GNG4: variants seen among roughly 807,000 people sequenced by gnomAD.
GNG4 encodes the protein G protein subunit gamma 4.
In GNG4, 4 loss-of-function variants were observed where a neutral mutation model predicts 5.8. The ratio of observed to expected loss-of-function variants is 0.69; its 90% CI spans 0.34 to 1.57. GNG4 has a LOEUF of 1.57. Among genes scored for constraint, GNG4 ranks in the 40% most tolerant of loss-of-function variants. The pLI, the probability that GNG4 is intolerant of heterozygous loss-of-function variation, is 0.06. For synonymous variants in GNG4, 29 were observed against 32.9 expected (o/e 0.88, Z 0.41); for missense variants, 96 against 95.1 (o/e 1.01, Z -0.04).
intron 3 of GNG4, among the ~76,000 whole-genome samples, chr1:235,561,244 C>T (rs1416179384): frequency 3.3e-5 from 5 of 152,046 alleles, no homozygotes; most frequent in South Asian, 2.1e-4. Flanking sequence ...CTCCTGACCT[C>T]GTGATCCGCC....
intron 1 of GNG4, among the ~76,000 whole-genome samples, chr1:235,623,614 G>A (rs1019900651): frequency 4.6e-5 from 7 of 152,170 alleles, no homozygotes; most frequent in Admixed American, 4.6e-4. Flanking sequence ...TGCTGAGAAC[G>A]CTCTTCCTTT....
intron 1 of GNG4, among the ~76,000 whole-genome samples, chr1:235,612,595 T>C (rs994602748): frequency 3.3e-5 from 5 of 152,116 alleles, no homozygotes; most frequent in Non-Finnish European, 5.9e-5. Flanking sequence ...CGATCATGAC[T>C]CATTGCAGCC....
intron 1 of GNG4, among the ~76,000 whole-genome samples, chr1:235,641,731 T>C (rs1571928739): frequency 6.6e-6 from 1 of 152,042 alleles, no homozygotes; most frequent in Admixed American, 6.6e-5. Flanking sequence ...CCATCAACAC[T>C]TTCACCTGTT....
intron 1 of GNG4, among the ~76,000 whole-genome samples, chr1:235,596,209 T>TAC (rs59527448): frequency 0.1 from 13,906 of 133,442 alleles, 793 homozygotes; most frequent in East Asian, 0.22. Context: ...ACAAACAAAA[T>TAC]ACACACACAC....
chr1:235,583,481 T>C (rs1373409575), intron 3 of GNG4, among the ~76,000 whole-genome samples: 1 of 152,230 alleles, frequency 6.6e-6, no homozygotes, highest in Non-Finnish European at 1.5e-5. Context: ...CGGAGCTAAA[T>C]AGAGCCGAGA....
At chr1:235,594,023 G>T (rs2774324) in intron 2 of GNG4, among the ~76,000 whole-genome samples, 1 of 151,948 alleles carries the variant, frequency 6.6e-6, no homozygotes, top group South Asian at 2.1e-4. Flanking sequence ...ACAGAGAGCT[G>T]ATTGGTCTGT....
rs535099314 is a variant in GNG4, at chr1:235,583,239, C to A, written c.99+501G>T. 2.0e-5 allele frequency among the ~76,000 whole-genome samples: 3 copies of A among 152,298 alleles called. No individual in the cohort carries two copies. In the South Asian group the frequency reaches 6.2e-4, roughly 32 times the overall value. On this transcript the variant is annotated intron_variant, in intron 3 of 3. Transcript: ENST00000391854. ...CTTCATCTTGCTGCAGTCCTCCCAG[C>A]GTGGAGAGACCTGCACTCATCAGTG...
At chr1:235,582,151 G>A (rs540053901) in intron 3 of GNG4, among the ~76,000 whole-genome samples, 3 of 152,226 alleles carry the variant, frequency 2.0e-5, no homozygotes, top group Non-Finnish European at 2.9e-5. Context: ...CACTGTACCC[G>A]ATTTCTGCCC....
At chr1:235,597,853 C>T (rs554237633) in intron 1 of GNG4, among the ~76,000 whole-genome samples, 33 of 151,942 alleles carry the variant, frequency 2.2e-4, no homozygotes, top group African/African-American at 8.0e-4. Context: ...ATCTTGAACT[C>T]CTGACCTCAG....
intron 1 of GNG4, among the ~76,000 whole-genome samples, chr1:235,646,149 C>A (rs935074556): frequency 5.3e-5 from 8 of 152,170 alleles, no homozygotes; most frequent in African/African-American, 1.9e-4. Context: ...TGTGTCACAC[C>A]ACAGAAAGCC....
chr1:235,552,516 C>G (rs1686782443), intron 3 of GNG4, among the ~76,000 whole-genome samples: 1 of 152,162 alleles, frequency 6.6e-6, no homozygotes, highest in Non-Finnish European at 1.5e-5. Flanking sequence ...TTGATATATT[C>G]TCGAGTAGGT....
At chr1:235,573,226 G>A (rs1318036852) in intron 3 of GNG4, among the ~76,000 whole-genome samples, 6 of 149,914 alleles carry the variant, frequency 4.0e-5, no homozygotes, top group Non-Finnish European at 8.9e-5. Flanking sequence ...CTATCGCAAG[G>A]ACAGAAAACC....
chr1:235,629,006 T>A (rs1351617646), intron 1 of GNG4, among the ~76,000 whole-genome samples: 6 of 151,744 alleles, frequency 4.0e-5, no homozygotes, highest in African/African-American at 1.5e-4. Flanking sequence ...TTTTTTTTTT[T>A]TTTTTTGCTT....
At chr1:235,574,105 A>T (rs530585088) in intron 3 of GNG4, among the ~76,000 whole-genome samples, 22 of 152,256 alleles carry the variant, frequency 1.4e-4, no homozygotes, top group African/African-American at 5.1e-4. Context: ...TTAAAAATAA[A>T]CAAGTACCTA....
chr1:235,601,511 C>A (rs2102961837), intron 1 of GNG4, among the ~76,000 whole-genome samples: 1 of 152,252 alleles, frequency 6.6e-6, no homozygotes, highest in East Asian at 1.9e-4. Context: ...TGGAATGAGA[C>A]TTGCCCGCCC....
In GNG4 at chr1:235,552,083, A is replaced by G. The variant is rs1310933860; in HGVS notation, c.*26T>C. ...TACAGGGGACTTTGAAGGTCAGAAA[A>G]GGAGGCGTTTTCATCACACACGGAG... On this transcript the variant is annotated 3_prime_UTR_variant, in exon 4 of 4. Coordinates refer to ENST00000391854, the MANE Select transcript of GNG4 (RefSeq NM_001098722.2). 2 of 1,611,792 alleles carry G rather than the reference A, an allele frequency of 1.2e-6. No homozygotes were observed. The highest frequency in any genetic ancestry group is 3.3e-5 in the Admixed American group (2 of 59,962).
chr1:235,632,682 C>T lies in GNG4; in HGVS notation c.-123+16980G>A, dbSNP rs577277289. ...TGTCTGTCGTCTTCCTGCCCCAAAA[C>T]GATTAGAATTAAGTAAAATGCCTCA... is the stretch of plus-strand genomic sequence containing the variant. On this transcript the variant is annotated intron_variant, in intron 1 of 3. Coordinates refer to ENST00000391854, the MANE Select transcript of GNG4 (RefSeq NM_001098722.2). Among the ~76,000 whole-genome samples the T allele has an allele frequency of 1.1e-4, 17 of 152,182 alleles. No individual in the cohort carries two copies. The South Asian group carries it at 2.7e-3, about 24-fold the overall frequency.
intron 1 of GNG4, among the ~76,000 whole-genome samples, chr1:235,636,059 G>A (rs925731784): frequency 1.4e-4 from 22 of 152,146 alleles, no homozygotes; most frequent in Non-Finnish European, 2.6e-4. Flanking sequence ...TAATGGCCAG[G>A]AACCCTCCTC....
chr1:235,554,800 G>T (rs1686854421), intron 3 of GNG4, among the ~76,000 whole-genome samples: 1 of 141,066 alleles, frequency 7.1e-6, no homozygotes, highest in African/African-American at 2.6e-5. Flanking sequence ...AGCTGAGATT[G>T]TGCCACTGCA....
Sources: allele counts gnomAD v4.1 joint callset (sites outside exome capture counted in the v4.1 genomes callset), GRCh38; gene constraint gnomAD v4.1.1; transcripts MANE v1.5; gene names NCBI Gene and HGNC (gene_info 2026-07-23, HGNC 2026-07-21).